Variants in NEXN observed in about 807,000 individuals in gnomAD.
NEXN encodes the protein nexilin.
In NEXN, 65 loss-of-function variants were observed where a neutral mutation model predicts 92.6. The ratio of observed to expected loss-of-function variants is 0.70; its 90% CI spans 0.57 to 0.86. The LOEUF is 0.86. Ranked by LOEUF, NEXN falls within the 40% of genes least tolerant of loss-of-function variation. NEXN has a pLI of 0.00. For synonymous variants in NEXN, 254 were observed against 242.5 expected, an observed-to-expected ratio of 1.05 and a Z score of -0.44; for missense variants, 778 against 771.1, an observed-to-expected ratio of 1.01 and a Z score of -0.11.
chr1:77,931,231 CAAAAAA>C (rs367898061), intron 9 of NEXN, among the ~76,000 whole-genome samples: 13 of 120,566 alleles, frequency 1.1e-4, no homozygotes, highest in African/African-American at 4.0e-4. Flanking sequence ...ACTAAAAATA[CAAAAAA>C]AAAAAAAAAA....
At chr1:77,892,569 T>C (rs1647132987) in intron 1 of NEXN, among the ~76,000 whole-genome samples, 1 of 152,212 alleles carries the variant, frequency 6.6e-6, no homozygotes, top group Non-Finnish European at 1.5e-5. Flanking sequence ...CCGATCTAAG[T>C]ATTAGGGCAA....
At chr1:77,917,800 AT>A (rs1430077296) in intron 3 of NEXN, 43 bp downstream of exon 3, 1 of 1,525,072 alleles carries the variant, frequency 6.6e-7, no homozygotes, top group African/African-American at 1.4e-5. Flanking sequence ...ATTTGTTTGC[AT>A]TTTTTCATTT....
intron 1 of NEXN, among the ~76,000 whole-genome samples, chr1:77,910,474 T>C (rs535678212): frequency 6.6e-6 from 1 of 152,122 alleles, no homozygotes; most frequent in African/African-American, 2.4e-5. Context: ...GTTATTAGGC[T>C]GGGCTCGGTG....
rs762192995 is a variant in NEXN, at chr1:77,936,016, A to G, written c.1445A>G (p.Lys482Arg). Residue 482 changes from lysine to arginine, a missense_variant, in exon 11 of 13, where the codon AAA becomes AGA. By Grantham distance (26) the Lys-to-Arg change is conservative. Coordinates refer to ENST00000334785, the MANE Select transcript of NEXN (RefSeq NM_144573.4). The part of the protein sequence containing the change: ...ARRRAIDLEI[K>R]EREAENFHEE... ...AGGAGAGCAATTGACCTTGAAATTA[A>G]AGAGCGAGAAGCTGAAAATTTTCAT... 1.9e-6 allele frequency: 3 copies of G among 1,613,718 alleles called. No individual in the cohort carries two copies. In the Admixed American group the frequency reaches 5.0e-5, roughly 27 times the overall value.
At position 77,902,736 on chromosome 1, in the gene NEXN, A is replaced by T. The variant is rs546702638; in HGVS notation, c.-52-13319A>T. On this transcript the variant is annotated intron_variant, in intron 1 of 12. Coordinates refer to ENST00000334785, the MANE Select transcript of NEXN (RefSeq NM_144573.4). ...AAAGTAAACAAAAAAGATAGATTAG[A>T]CTGATATGTCTGAGATGTTTACCAA... is the stretch of plus-strand genomic sequence containing the variant. 9.7e-4 allele frequency among the ~76,000 whole-genome samples: 147 copies of T among 152,238 alleles called. 1 individual carries two copies. The highest frequency in any genetic ancestry group is 3.4e-3 in the African/African-American group (140 of 41,548).
In NEXN at chr1:77,943,237, C is replaced by CAAAA. The variant is rs368295679; in HGVS notation, c.*415_*418dup. Reference sequence around the variant, plus strand: ...AGCAACTATGTTTAAAAAACAAAAACAAAAAAAAAACACACAAACCTAAGT... The same window carrying CAAAA: ...AGCAACTATGTTTAAAAAACAAAAACAAAAAAAAAAAAAACACACAAACCTAAGT... On this transcript the variant is annotated 3_prime_UTR_variant, in exon 13 of 13. Transcript: ENST00000334785. 5.2e-6 allele frequency: 1 copy of CAAAA among 192,378 alleles called. No homozygotes were observed. The highest frequency in any genetic ancestry group is 5.8e-5 in the Admixed American group (1 of 17,218). 11.9% of individuals were successfully genotyped at this position (192,378 alleles called of 1,614,324 possible). A position where few individuals can be genotyped will look rare whatever the true frequency, so the allele number is the denominator to read the frequency against.
chr1:77,937,988 G>GT (rs1465372306), intron 11 of NEXN, among the ~76,000 whole-genome samples: 7 of 152,226 alleles, frequency 4.6e-5, no homozygotes, highest in African/African-American at 1.7e-4. Context: ...GAAAGGACAG[G>GT]TAAGTATGCA....
intron 1 of NEXN, among the ~76,000 whole-genome samples, chr1:77,896,106 G>A (rs1360421027): frequency 6.6e-6 from 1 of 151,906 alleles, no homozygotes; most frequent in Non-Finnish European, 1.5e-5. Flanking sequence ...AGGAGGCAAA[G>A]GTTGCAGTGA....
At chr1:77,931,939 G>GT (rs909757383) in intron 9 of NEXN, 12 of 151,184 alleles carry the variant, frequency 7.9e-5, no homozygotes, top group Admixed American at 2.6e-4. Flanking sequence ...ATAATCTTTT[G>GT]TTTTTTTTGA....
chr1:77,900,198 A>AT (rs1458723038), intron 1 of NEXN, among the ~76,000 whole-genome samples: 1 of 152,094 alleles, frequency 6.6e-6, no homozygotes, highest in African/African-American at 2.4e-5. Context: ...AGGCATTGGT[A>AT]TTTTTGTTCA....
intron 8 of NEXN, 51 bp from the exon 9 acceptor site, chr1:77,929,264 TC>T: frequency 7.7e-7 from 1 of 1,303,680 alleles, no homozygotes. Context: ...AATAATTCAT[TC>T]CTTTTTCTGA....
Position 77,943,151 on chromosome 1 carries a change from G to T in NEXN, c.*322G>T. 1 of 342,718 alleles carries T rather than the reference G, an allele frequency of 2.9e-6. No homozygotes were observed. Among genetic ancestry groups the T allele is most frequent in the Admixed American group, 4.0e-5 (1 of 24,868 alleles). 21.2% of individuals were successfully genotyped at this position (342,718 alleles called of 1,614,324 possible). Reference sequence around the variant, plus strand: ...GTCAATAAAATGTACTTATGGGGGGGAATTACTCAATTATTCTATCAGAAC... The same window carrying T: ...GTCAATAAAATGTACTTATGGGGGGTAATTACTCAATTATTCTATCAGAAC... On this transcript the variant is annotated 3_prime_UTR_variant, in exon 13 of 13. Coordinates refer to ENST00000334785, the MANE Select transcript of NEXN (RefSeq NM_144573.4).
intron 10 of NEXN, among the ~76,000 whole-genome samples, chr1:77,935,342 GTTCT>G (rs765939044): frequency 2.0e-5 from 3 of 152,076 alleles, no homozygotes; most frequent in African/African-American, 4.8e-5. Flanking sequence ...CCAGCCTAGT[GTTCT>G]TTCAATTATT....
chr1:77,919,436 A>C (rs1401120378), intron 5 of NEXN, among the ~76,000 whole-genome samples: 1 of 152,204 alleles, frequency 6.6e-6, no homozygotes, highest in Non-Finnish European at 1.5e-5. Flanking sequence ...CATATGCTAT[A>C]CTTGCATACT....
At chr1:77,899,830 C>G (rs1005338587) in intron 1 of NEXN, among the ~76,000 whole-genome samples, 5 of 152,088 alleles carry the variant, frequency 3.3e-5, no homozygotes, top group African/African-American at 4.8e-5. Flanking sequence ...CATGTCCTGT[C>G]AATTCCACTT....
At chr1:77,929,954 A>G (rs376136438) in intron 9 of NEXN, among the ~76,000 whole-genome samples, 1 of 151,990 alleles carries the variant, frequency 6.6e-6, no homozygotes, top group African/African-American at 2.4e-5. Flanking sequence ...AAATGACCTG[A>G]GTCATTTAAT....
chr1:77,897,460 T>C (rs1352482698), intron 1 of NEXN, among the ~76,000 whole-genome samples: 1 of 152,180 alleles, frequency 6.6e-6, no homozygotes, highest in Non-Finnish European at 1.5e-5. Context: ...AATTCAACAA[T>C]GCTTCATGCT....
chr1:77,943,247 AC>A lies in NEXN; in HGVS notation c.*419del. On this transcript the variant is annotated 3_prime_UTR_variant, in exon 13 of 13. Coordinates refer to ENST00000334785, the MANE Select transcript of NEXN (RefSeq NM_144573.4). ...TTTAAAAAACAAAAACAAAAAAAAA[AC>A]ACACAAACCTAAGTAGAATACATTA... 1 of 224,550 alleles carries A rather than the reference AC, an allele frequency of 4.5e-6. No individual in the cohort carries two copies. The highest frequency in any genetic ancestry group is 5.7e-5 in the South Asian group (1 of 17,628). 13.9% of individuals were successfully genotyped at this position (224,550 alleles called of 1,614,324 possible). A position where few individuals can be genotyped will look rare whatever the true frequency, so the allele number is the denominator to read the frequency against.
chr1:77,926,651 G>T, intron 7 of NEXN, 40 bp downstream of exon 7: 1 of 1,613,788 alleles, frequency 6.2e-7, no homozygotes, highest in Non-Finnish European at 8.5e-7. Flanking sequence ...AACAAATCAA[G>T]GCAGTTTAAG....
Sources: gnomAD v4.1 joint callset for allele counts (sites outside exome capture counted in the v4.1 genomes callset) on GRCh38, gnomAD v4.1.1 for gene constraint, MANE v1.5 for transcripts, NCBI Gene and HGNC (gene_info 2026-07-23, HGNC 2026-07-21) for gene names.